Variants in GRM8 observed in about 807,000 individuals in gnomAD.
GRM8 encodes glutamate metabotropic receptor 8.
GRM8 carries 47 observed loss-of-function variants against 87.2 expected under a neutral mutation model. The observed-to-expected ratio is 0.54, with a 90% CI of 0.43 to 0.69. GRM8 has a LOEUF of 0.69. Ranked by LOEUF, GRM8 falls within the 30% of genes least tolerant of loss-of-function variation. The pLI, the probability that GRM8 is intolerant of heterozygous loss-of-function variation, is 0.00. For synonymous variants in GRM8, 396 were observed against 404.5 expected, an observed-to-expected ratio of 0.98 and a Z score of 0.25; for missense variants, 1,019 against 1,139.2, an observed-to-expected ratio of 0.89 and a Z score of 1.52.
intron 7 of GRM8, among the ~76,000 whole-genome samples, chr7:126,747,125 A>G (rs974906285): frequency 6.6e-6 from 1 of 151,900 alleles, no homozygotes; most frequent in Non-Finnish European, 1.5e-5. Context: ...ACATATATTC[A>G]GTACCATTAA....
intron 3 of GRM8, among the ~76,000 whole-genome samples, chr7:127,014,715 G>A (rs1396772734): frequency 6.6e-6 from 1 of 151,846 alleles, no homozygotes; most frequent in Non-Finnish European, 1.5e-5. Flanking sequence ...ATTCTTAAAT[G>A]GTAAAGAAAT....
intron 2 of GRM8, among the ~76,000 whole-genome samples, chr7:127,203,795 G>T (rs1587268010): frequency 6.6e-6 from 1 of 151,370 alleles, no homozygotes; most frequent in African/African-American, 2.4e-5. Flanking sequence ...AGGCGGTGGG[G>T]GTGAGTTTTG....
intron 3 of GRM8, among the ~76,000 whole-genome samples, chr7:127,052,399 T>G (rs1819582105): frequency 6.6e-6 from 1 of 152,210 alleles, no homozygotes; most frequent in Non-Finnish European, 1.5e-5. Flanking sequence ...TAATAGCCCC[T>G]TGTTTACAAT....
At chr7:126,717,469 A>G (rs1165989108) in intron 7 of GRM8, among the ~76,000 whole-genome samples, 1 of 152,166 alleles carries the variant, frequency 6.6e-6, no homozygotes, top group Non-Finnish European at 1.5e-5. Flanking sequence ...CAGCTCAAAC[A>G]TGTTTGGGAC....
chr7:127,139,658 T>C (rs1828148883), intron 2 of GRM8, among the ~76,000 whole-genome samples: 1 of 152,078 alleles, frequency 6.6e-6, no homozygotes, highest in Non-Finnish European at 1.5e-5. Context: ...AAGTACATCA[T>C]TACGATTGTT....
intron 2 of GRM8, among the ~76,000 whole-genome samples, chr7:127,181,434 T>C (rs922681733): frequency 1.3e-5 from 2 of 151,934 alleles, no homozygotes; most frequent in South Asian, 4.2e-4. Context: ...AAGCAATCTA[T>C]ACATTCAACA....
rs1336441107 is a variant in GRM8, at chr7:126,753,811, T to C, written c.1357+16054A>G. On this transcript the variant is annotated intron_variant, in intron 7 of 10. Coordinates refer to ENST00000339582, the MANE Select transcript of GRM8 (RefSeq NM_000845.3). ...AGGCAGGCAGTTTAAAGCAATTTAT[T>C]ATTTTTCTAAGTGCCATATAGTGTA... Among the ~76,000 whole-genome samples, 2 of 151,920 alleles carry C rather than the reference T, an allele frequency of 1.3e-5. 1 individual carries two copies. The highest frequency in any genetic ancestry group is 1.3e-4 in the Admixed American group (2 of 15,208).
chr7:126,486,116 C>G (rs894203947), intron 9 of GRM8, among the ~76,000 whole-genome samples: 4 of 151,964 alleles, frequency 2.6e-5, no homozygotes, highest in African/African-American at 9.7e-5. Flanking sequence ...GTTGAACCCC[C>G]CGTCCAACAA....
intron 2 of GRM8, among the ~76,000 whole-genome samples, chr7:127,186,160 T>C (rs1338650916): frequency 6.6e-6 from 1 of 151,946 alleles, no homozygotes; most frequent in Non-Finnish European, 1.5e-5. Context: ...AGGGCAGATA[T>C]CCAGGCAAGA....
intron 3 of GRM8, among the ~76,000 whole-genome samples, chr7:127,040,588 C>T (rs1211954493): frequency 8.4e-6 from 1 of 119,664 alleles, no homozygotes; most frequent in Admixed American, 9.3e-5. Context: ...CTGCAAGTTA[C>T]TTCTGTATTC....
At chr7:126,518,928 G>A (rs1401732126) in intron 9 of GRM8, among the ~76,000 whole-genome samples, 1 of 152,004 alleles carries the variant, frequency 6.6e-6, no homozygotes, top group East Asian at 1.9e-4. Context: ...CCACAGATAT[G>A]TTAATGAGAA....
chr7:126,559,760 C>T (rs1793517568), intron 8 of GRM8, among the ~76,000 whole-genome samples: 1 of 152,130 alleles, frequency 6.6e-6, no homozygotes, highest in African/African-American at 2.4e-5. Flanking sequence ...CAGGAATCCA[C>T]CTGGTATGAA....
chr7:127,125,917 C>T (rs1827343930), intron 2 of GRM8, among the ~76,000 whole-genome samples: 1 of 151,842 alleles, frequency 6.6e-6, no homozygotes. Flanking sequence ...ACATTAAAAC[C>T]TCAATAAGAT....
At chr7:127,134,477 G>A (rs186443944) in intron 2 of GRM8, among the ~76,000 whole-genome samples, 6 of 152,198 alleles carry the variant, frequency 3.9e-5, no homozygotes, top group Admixed American at 1.3e-4. Flanking sequence ...AATCTGCAAT[G>A]ATTCAACAAA....
intron 2 of GRM8, among the ~76,000 whole-genome samples, chr7:127,150,916 T>G (rs1261761405): frequency 6.6e-6 from 1 of 152,088 alleles, no homozygotes; most frequent in East Asian, 1.9e-4. Context: ...ACAAGATTGC[T>G]ATCATGGTGA....
chr7:127,148,191 AT>A (rs1828653574), intron 2 of GRM8, among the ~76,000 whole-genome samples: 1 of 151,980 alleles, frequency 6.6e-6, no homozygotes, highest in East Asian at 1.9e-4. Flanking sequence ...CGATTCAGGT[AT>A]CTCTACTTCT....
intron 2 of GRM8, among the ~76,000 whole-genome samples, chr7:127,235,372 G>A (rs1006184504): frequency 9.9e-5 from 15 of 152,174 alleles, no homozygotes; most frequent in Non-Finnish European, 1.8e-4. Context: ...GAAGAGACAT[G>A]ACTTGGAATG....
chr7:126,656,990 A>G (rs1804600439), intron 7 of GRM8, among the ~76,000 whole-genome samples: 1 of 152,252 alleles, frequency 6.6e-6, no homozygotes, highest in African/African-American at 2.4e-5. Flanking sequence ...AGACAGCACA[A>G]TGGCTGTGAT....
chr7:127,057,182 AT>A (rs1314926847), intron 3 of GRM8, among the ~76,000 whole-genome samples: 2 of 150,648 alleles, frequency 1.3e-5, no homozygotes, highest in African/African-American at 4.9e-5. Context: ...TATCAAAAAT[AT>A]TTTTATGCCA....
Sources: allele counts gnomAD v4.1 joint callset (sites outside exome capture counted in the v4.1 genomes callset), GRCh38; gene constraint gnomAD v4.1.1; transcripts MANE v1.5; gene names NCBI Gene and HGNC (gene_info 2026-07-23, HGNC 2026-07-21).